The following RIPPLY3 variants were observed in gnomAD, a reference collection of about 807,000 sequenced individuals.
RIPPLY3 encodes ripply transcriptional repressor 3.
A neutral mutation model predicts 11.9 loss-of-function variants in RIPPLY3; 8 were observed. That is an observed-to-expected ratio of 0.67 (90% CI 0.40 to 1.21). The LOEUF (loss-of-function observed/expected upper bound fraction) is 1.21, where lower values mean the gene tolerates loss of function less well. Ranked by LOEUF, RIPPLY3 falls within the 50% of genes most tolerant of loss-of-function variation. The probability of loss-of-function intolerance (pLI) is 0.01; values close to 1 mark genes in which losing one functional copy is unlikely to be tolerated. For missense variants in RIPPLY3, 271 were observed against 246.0 expected (o/e 1.10, Z -0.68); for synonymous variants, 102 against 99.0 (o/e 1.03, Z -0.18).
intron 2 of RIPPLY3, among the ~76,000 whole-genome samples, chr21:37,010,019 G>C (rs962977715): frequency 2.0e-5 from 3 of 152,200 alleles, no homozygotes; most frequent in Non-Finnish European, 2.9e-5. Context: ...GAGCTGCCCA[G>C]CGCAGGGAAG....
At position 37,016,432 on chromosome 21, in the gene RIPPLY3, C is replaced by A. The variant is rs1206182836; in HGVS notation, c.240-1442C>A. 2.6e-5 allele frequency among the ~76,000 whole-genome samples: 4 copies of A among 152,036 alleles called. No individual in the cohort carries two copies. In the East Asian group the frequency reaches 5.8e-4, roughly 22 times the overall value. On this transcript the variant is annotated intron_variant, in intron 3 of 3. Transcript: ENST00000329553. ...GTGTTTTCTCTCTCCCTTTTCTCTT[C>A]TATCTGAAAAAAAAGGATATTGAAA...
chr21:37,011,208 T>G (rs1788573602), intron 2 of RIPPLY3, among the ~76,000 whole-genome samples: 1 of 152,190 alleles, frequency 6.6e-6, no homozygotes, highest in Admixed American at 6.5e-5. Context: ...TTCACTATGT[T>G]GGCCAGGCTG....
At chr21:37,014,116 G>A (rs1259610620) in intron 3 of RIPPLY3, among the ~76,000 whole-genome samples, 1 of 152,052 alleles carries the variant, frequency 6.6e-6, no homozygotes, top group East Asian at 1.9e-4. Context: ...AGGAGTTCGA[G>A]ACCAGCCTGA....
chr21:37,010,844 A>G (rs750691330), intron 2 of RIPPLY3, among the ~76,000 whole-genome samples: 5 of 152,204 alleles, frequency 3.3e-5, no homozygotes, highest in African/African-American at 4.8e-5. Context: ...CCTCAGGCTC[A>G]TAGGAAAACA....
chr21:37,007,400 C>CTTTTTTT (rs895853940), intron 1 of RIPPLY3, among the ~76,000 whole-genome samples: 2 of 86,272 alleles, frequency 2.3e-5, no homozygotes, highest in East Asian at 3.6e-4. Context: ...AAGATTCCCT[C>CTTTTTTT]TTTTTTTTTT....
In RIPPLY3 at chr21:37,019,189, G is replaced by T. The variant is rs1453966315; in HGVS notation, c.*982G>T. 6.7e-6 allele frequency: 1 copy of T among 149,982 alleles called. No homozygotes were observed. Among genetic ancestry groups the T allele is most frequent in the South Asian group, 2.1e-4 (1 of 4,730 alleles). The allele number at this position is 149,982 out of a possible 1,614,324, so 9.3% of individuals were successfully genotyped here. A position where few individuals can be genotyped will look rare whatever the true frequency, so the allele number is the denominator to read the frequency against. ...TGAGGCAGGAGAATGGCTAGAACCC[G>T]GGAGGCGGAGGTTGCCGTGAGTCGA... On this transcript the variant is annotated 3_prime_UTR_variant, in exon 4 of 4. Coordinates refer to ENST00000329553, the MANE Select transcript of RIPPLY3 (RefSeq NM_018962.3).
In RIPPLY3 at chr21:37,008,141, G is replaced by A. The variant is rs1452191969; in HGVS notation, c.105-16G>A. On this transcript the variant is annotated splice_polypyrimidine_tract_variant and intron_variant, in intron 1 of 3. Transcript: ENST00000329553. ...AGTGCCCAGGGTTCACTCTCTCCTG[G>A]CGCTTGCCGTTCCAGCCCCGCGCCG... is the stretch of plus-strand genomic sequence containing the variant. 1.2e-6 allele frequency: 2 copies of A among 1,614,000 alleles called. No individual in the cohort carries two copies. The highest frequency in any genetic ancestry group is 1.1e-5 in the South Asian group (1 of 91,062).
chr21:37,006,688 G>T (rs1601093312), upstream of RIPPLY3: 5 of 875,074 alleles, frequency 5.7e-6, no homozygotes, highest in Non-Finnish European at 7.5e-6. This position sits in a 1 kb window ranked among gnomAD's most constrained non-coding sequence, Gnocchi z 5.2. Flanking sequence ...CCTGGCGCGC[G>T]GGTAGGTGAG....
chr21:37,013,720 A>G, intron 3 of RIPPLY3, 102 bp downstream of exon 3: 2 of 789,064 alleles, frequency 2.5e-6, no homozygotes, highest in Non-Finnish European at 4.1e-6. Context: ...CAAAGTGGAA[A>G]ATAATTCAAT....
rs542239652 is a variant in RIPPLY3 at position 37,018,671 on chromosome 21, A to G, written c.*464A>G. The stretch of plus-strand genomic sequence containing the variant: ...AGGGTAGATGTAGTTGCTTAGTAGC[A>G]TTTTGGAAAAAAAAGAAAAAAAGGT... On this transcript the variant is annotated 3_prime_UTR_variant, in exon 4 of 4. Coordinates refer to ENST00000329553, the MANE Select transcript of RIPPLY3 (RefSeq NM_018962.3). 6.5e-6 allele frequency: 1 copy of G among 153,462 alleles called. No individual in the cohort carries two copies. The highest frequency in any genetic ancestry group is 2.1e-4 in the South Asian group (1 of 4,862). 9.5% of individuals were successfully genotyped at this position (153,462 alleles called of 1,614,324 possible). A position where few individuals can be genotyped will look rare whatever the true frequency, so the allele number is the denominator to read the frequency against.
In RIPPLY3 at chr21:37,018,919, C is replaced by A. The variant is rs1222022972; in HGVS notation, c.*712C>A. The A allele has an allele frequency of 6.6e-6, 1 of 151,588 alleles. No homozygotes were observed. The highest frequency in any genetic ancestry group is 2.1e-4 in the South Asian group (1 of 4,812). The allele number at this position is 151,588 out of a possible 1,614,324, so 9.4% of individuals were successfully genotyped here. ...ATGTTGGTCAGGCTGGCTTTGAACT[C>A]CTGACCTCAGGTGATCCACCCGCCT... On this transcript the variant is annotated 3_prime_UTR_variant, in exon 4 of 4. Transcript: ENST00000329553.
chr21:37,016,118 T>C (rs930013058), intron 3 of RIPPLY3, among the ~76,000 whole-genome samples: 1 of 152,124 alleles, frequency 6.6e-6, no homozygotes, highest in African/African-American at 2.4e-5. Flanking sequence ...ACTATGCTCA[T>C]ATTTCTGTCT....
At chr21:37,007,013 C>A in intron 1 of RIPPLY3, 137 bp downstream of exon 1, 1 of 481,914 alleles carries the variant, frequency 2.1e-6, no homozygotes, top group Non-Finnish European at 3.2e-6. Flanking sequence ...ACGGCGACGC[C>A]AAGCAAGCTC....
rs777506836 is a variant in RIPPLY3 at position 37,008,185 on chromosome 21, A to C, written c.133A>C (p.Thr45Pro). 1 of 1,613,998 alleles carries C rather than the reference A, an allele frequency of 6.2e-7. No homozygotes were observed. Among genetic ancestry groups the C allele is most frequent in the Non-Finnish European group, 8.5e-7 (1 of 1,180,016 alleles). The change falls in exon 2 of 4, where the codon ACA (threonine) becomes CCA (proline). Residue 45 changes from threonine (T) to proline (P), a missense_variant. Transcript: ENST00000329553. ...SPAPWRPWIQ[T>P]PGDAELTRTG... ...CGCGCCGTGGCGACCTTGGATCCAG[A>C]CACCTGGAGATGCTGAGCTGACCAG...
chr21:37,011,929 CAAAAAAAAAAAAAAAA>C (rs59382996), intron 2 of RIPPLY3, among the ~76,000 whole-genome samples: 1 of 47,102 alleles, frequency 2.1e-5, no homozygotes, highest in Non-Finnish European at 3.8e-5. Context: ...GACTCCGTCT[CAAAAAAAAAAAAAAAA>C]AAAAAAAAAA....
At chr21:37,009,985 GGGTTCCC>G (rs1226823188) in intron 2 of RIPPLY3, among the ~76,000 whole-genome samples, 1 of 152,216 alleles carries the variant, frequency 6.6e-6, no homozygotes, top group Non-Finnish European at 1.5e-5. Flanking sequence ...GCACCGCCCT[GGGTTCCC>G]TGCAGTCCAC....
At chr21:37,013,188 G>A (rs2069544304) in intron 2 of RIPPLY3, among the ~76,000 whole-genome samples, 1 of 152,150 alleles carries the variant, frequency 6.6e-6, no homozygotes, top group Non-Finnish European at 1.5e-5. Context: ...GTCTCTGCGA[G>A]GCCCTTCATG....
intron 2 of RIPPLY3, among the ~76,000 whole-genome samples, chr21:37,010,626 G>A (rs889056959): frequency 3.9e-5 from 6 of 152,198 alleles, no homozygotes; most frequent in Non-Finnish European, 8.8e-5. Context: ...TCCCCTACCT[G>A]CACCTTTCTT....
At position 37,017,882 on chromosome 21, in the gene RIPPLY3, T is replaced by C. The variant is rs1406423457; in HGVS notation, c.248T>C (p.Leu83Ser). 6.2e-7 allele frequency: 1 copy of C among 1,610,996 alleles called. No individual in the cohort carries two copies. The highest frequency in any genetic ancestry group is 1.7e-5 in the Admixed American group (1 of 59,658). The change falls in exon 4 of 4, where the codon TTA becomes TCA. Residue 83 changes from leucine (L) to serine (S), a missense_variant. Physicochemically the swap from Leu to Ser is moderately radical, Grantham distance 145. Transcript: ENST00000329553. Reference sequence around the variant, plus strand: ...TGTTTCTTAAATATTAGAGTCTATTTACCCATGTCAAAGCGTCAAGAATAC... The same window carrying C: ...TGTTTCTTAAATATTAGAGTCTATTCACCCATGTCAAAGCGTCAAGAATAC... ...FGFQHPVRVY[L>S]PMSKRQEYLR...
Sources: allele counts gnomAD v4.1 joint callset (sites outside exome capture counted in the v4.1 genomes callset), GRCh38; gene constraint gnomAD v4.1.1; non-coding constraint Gnocchi (gnomAD v3.1); transcripts MANE v1.5; gene names NCBI Gene and HGNC (gene_info 2026-07-23, HGNC 2026-07-21).